The following CPVL variants were observed in gnomAD, a reference collection of about 807,000 sequenced individuals.
CPVL encodes the protein carboxypeptidase vitellogenic like.
CPVL carries 51 observed loss-of-function variants against 63.7 expected under a neutral mutation model. That is an observed-to-expected ratio of 0.80 (90% confidence interval 0.64 to 1.01). The LOEUF is 1.01. CPVL is among the 50% of genes least tolerant of loss of function. The probability of loss-of-function intolerance (pLI) is 0.00; values close to 1 mark genes in which losing one functional copy is unlikely to be tolerated. For missense variants in CPVL, 530 were observed against 573.1 expected (o/e 0.92, Z 0.77); for synonymous variants, 195 against 206.0 (o/e 0.95, Z 0.46).
chr7:29,165,457 A>G (rs1795789550), intron 5 of CPVL, among the ~76,000 whole-genome samples: 1 of 152,106 alleles, frequency 6.6e-6, no homozygotes, highest in Non-Finnish European at 1.5e-5. Flanking sequence ...TAAATCACCT[A>G]TACTGGTTCA....
At chr7:29,103,178 A>T (rs1445155121) in intron 3 of CPVL, among the ~76,000 whole-genome samples, 2 of 5,158 alleles carry the variant, frequency 3.9e-4, no homozygotes, top group Admixed American at 3.0e-3. Flanking sequence ...AAGTTAATAT[A>T]CTGGGGGGGG....
At chr7:29,156,595 T>C (rs1399805188) in intron 5 of CPVL, among the ~76,000 whole-genome samples, 1 of 152,234 alleles carries the variant, frequency 6.6e-6, no homozygotes, top group Non-Finnish European at 1.5e-5. Flanking sequence ...ATAAAGGTCA[T>C]CTGTGAGGGA....
intron 1 of CPVL, chr7:29,127,938 C>A (rs1790209798): frequency 6.6e-6 from 1 of 152,122 alleles, no homozygotes; most frequent in Non-Finnish European, 1.5e-5. Flanking sequence ...TTCTGTGTCA[C>A]TGAAAACTTA....
chr7:29,112,841 T>A lies in CPVL; in HGVS notation c.170-19A>T, dbSNP rs767822734. On this transcript the variant is annotated intron_variant, in intron 2 of 12. Transcript: ENST00000265394. The stretch of plus-strand genomic sequence containing the variant: ...TCTCTTCCTAGTGGGGGAAAAAAAA[T>A]TTACCCAAGGATTACAGAAAACAAT... 3.9e-6 allele frequency: 6 copies of A among 1,520,960 alleles called. No homozygotes were observed. The East Asian group carries it at 6.7e-5, about 17-fold the overall frequency. The allele number at this position is 1,520,960 out of a possible 1,614,324, so 94.2% of individuals were successfully genotyped here.
intron 7 of CPVL, among the ~76,000 whole-genome samples, chr7:29,085,055 T>C (rs1279344311): frequency 6.6e-6 from 1 of 152,248 alleles, no homozygotes; most frequent in African/African-American, 2.4e-5. Context: ...GGTATCAGTA[T>C]GAAGTCATTT....
chr7:29,147,056 C>A, upstream of CPVL: 2 of 1,494,660 alleles, frequency 1.3e-6, no homozygotes, highest in Non-Finnish European at 1.8e-6. Context: ...TACCATTATA[C>A]CCATTTTGCA....
intron 11 of CPVL, among the ~76,000 whole-genome samples, chr7:29,060,540 A>G (rs1305390572): frequency 1.3e-5 from 2 of 152,240 alleles, no homozygotes; most frequent in Non-Finnish European, 2.9e-5. Context: ...TGATATTTCA[A>G]TTTACCACCC....
intron 1 of CPVL, chr7:29,127,464 G>A (rs1219299423): frequency 3.3e-5 from 5 of 152,152 alleles, no homozygotes; most frequent in Admixed American, 1.3e-4. Context: ...ACGAGATACC[G>A]ATCCTCAGAG....
chr7:29,084,337 A>C (rs1415756254), intron 7 of CPVL, among the ~76,000 whole-genome samples: 1 of 152,184 alleles, frequency 6.6e-6, no homozygotes, highest in Non-Finnish European at 1.5e-5. Flanking sequence ...TCTGCCAGGA[A>C]AGCTCTTCTT....
intron 2 of CPVL, among the ~76,000 whole-genome samples, chr7:29,120,648 C>T (rs1789268346): frequency 6.6e-6 from 1 of 151,456 alleles, no homozygotes; most frequent in African/African-American, 2.4e-5. Context: ...ATGGTGAAAC[C>T]CCTCTCTACT....
intron 11 of CPVL, among the ~76,000 whole-genome samples, chr7:29,049,535 C>T (rs1003400711): frequency 2.6e-5 from 4 of 151,742 alleles, no homozygotes; most frequent in East Asian, 1.9e-4. Context: ...AAATTACCAA[C>T]GAAAAAAAAG....
chr7:29,116,152 C>A (rs542621012), intron 2 of CPVL, among the ~76,000 whole-genome samples: 1 of 152,278 alleles, frequency 6.6e-6, no homozygotes, highest in South Asian at 2.1e-4. Flanking sequence ...TGAACTAAAA[C>A]AAGCCCTACT....
At chr7:29,138,093 A>G (rs1332041537) in intron 1 of CPVL, among the ~76,000 whole-genome samples, 1 of 152,210 alleles carries the variant, frequency 6.6e-6, no homozygotes, top group Non-Finnish European at 1.5e-5. Context: ...AGGAGTTTGA[A>G]CTAGGGCTGG....
intron 5 of CPVL, among the ~76,000 whole-genome samples, chr7:29,158,513 TAGCCTAGTCTTTATGTGATAATATTG>T (rs68082983): frequency 0.51 from 77,828 of 151,874 alleles, 20,152 homozygotes; most frequent in Admixed American, 0.56. Flanking sequence ...TTTTATTGTG[TAGCCTAGTCTTTATGTGATAATATTG>T]ATACTTAAGT....
chr7:29,025,373 CAA>C (rs1229288604), intron 12 of CPVL, among the ~76,000 whole-genome samples: 2 of 152,172 alleles, frequency 1.3e-5, no homozygotes, highest in Non-Finnish European at 2.9e-5. Context: ...AGAGCAGGAA[CAA>C]GAGACAGAGA....
chr7:29,081,135 T>C (rs1290699017), intron 7 of CPVL, among the ~76,000 whole-genome samples: 1 of 152,232 alleles, frequency 6.6e-6, no homozygotes, highest in African/African-American at 2.4e-5. Flanking sequence ...AACTTCTACC[T>C]GGGCTCATGT....
In CPVL at chr7:29,053,660, T is replaced by C. The variant is rs151077591; in HGVS notation, c.1137+10401A>G. Among the ~76,000 whole-genome samples, 241 of 152,302 alleles carry C rather than the reference T, an allele frequency of 1.6e-3. 1 individual carries two copies. Among genetic ancestry groups the C allele is most frequent in the African/African-American group, 5.3e-3 (221 of 41,580 alleles). ...GTGATGAAGATGTTCAGAAATTAGA[T>C]AGTGGTGATGGCTGCAGAGAAAATT... On this transcript the variant is annotated intron_variant, in intron 11 of 12. Coordinates refer to ENST00000265394, the MANE Select transcript of CPVL (RefSeq NM_031311.5).
chr7:29,008,593 T>C (rs575745555), intron 12 of CPVL, among the ~76,000 whole-genome samples: 185 of 152,342 alleles, frequency 1.2e-3, no homozygotes, highest in African/African-American at 4.3e-3. Flanking sequence ...TCTTTTAATG[T>C]CCACAAAATG....
chr7:29,128,348 C>T (rs541162890), intron 1 of CPVL, among the ~76,000 whole-genome samples: 16 of 152,234 alleles, frequency 1.1e-4, no homozygotes, highest in African/African-American at 3.9e-4. Flanking sequence ...GATCCTTTCC[C>T]TCCCAGGGAC....
Sources: allele counts gnomAD v4.1 joint callset (sites outside exome capture counted in the v4.1 genomes callset), GRCh38; gene constraint gnomAD v4.1.1; transcripts MANE v1.5; gene names NCBI Gene and HGNC (gene_info 2026-07-23, HGNC 2026-07-21).